The following GPC6 variants were observed in gnomAD, a reference collection of about 807,000 sequenced individuals.
The protein encoded by GPC6 is glypican 6, also known as glypican-6.
A neutral mutation model predicts 55.2 loss-of-function variants in GPC6; 14 were observed. The observed-to-expected ratio is 0.25, with a 90% CI of 0.17 to 0.40. The LOEUF is 0.40. GPC6 is among the 10% of genes least tolerant of loss of function. The probability of loss-of-function intolerance (pLI) is 1.00; values close to 1 mark genes in which losing one functional copy is unlikely to be tolerated. For synonymous variants in GPC6, 278 were observed against 259.6 expected, an observed-to-expected ratio of 1.07 and a Z score of -0.68; for missense variants, 641 against 708.5, an observed-to-expected ratio of 0.90 and a Z score of 1.08.
At chr13:93,330,629 T>G (rs758088267) in intron 1 of GPC6, among the ~76,000 whole-genome samples, 6 of 152,180 alleles carry the variant, frequency 3.9e-5, no homozygotes, top group Admixed American at 6.5e-5. Flanking sequence ...TTGGTCTTAT[T>G]TAACTTATCA....
At chr13:94,313,366 T>A (rs769879737) in intron 6 of GPC6, among the ~76,000 whole-genome samples, 1 of 152,226 alleles carries the variant, frequency 6.6e-6, no homozygotes, top group Non-Finnish European at 1.5e-5. Context: ...ACTCCTGCCC[T>A]TATGTGGATT....
chr13:94,220,161 G>A (rs191796061), intron 4 of GPC6, among the ~76,000 whole-genome samples: 1 of 152,078 alleles, frequency 6.6e-6, no homozygotes, highest in Admixed American at 6.6e-5. Context: ...CTACCATTCT[G>A]GAGATGACAG....
chr13:94,202,172 C>T (rs889552052), intron 4 of GPC6, among the ~76,000 whole-genome samples: 2 of 152,114 alleles, frequency 1.3e-5, no homozygotes, highest in African/African-American at 2.4e-5. Flanking sequence ...ACTTAAAATC[C>T]TTTGTAAATT....
At chr13:93,562,364 G>C (rs1875858468) in intron 2 of GPC6, among the ~76,000 whole-genome samples, 1 of 152,006 alleles carries the variant, frequency 6.6e-6, no homozygotes, top group African/African-American at 2.4e-5. Flanking sequence ...ATGAAATTTA[G>C]CAATTTCAAT....
In GPC6 at chr13:93,448,180, TC is replaced by T. The variant is rs371365998; in HGVS notation, c.161-97082del. On this transcript the variant is annotated intron_variant, in intron 1 of 8. Coordinates refer to ENST00000377047, the MANE Select transcript of GPC6 (RefSeq NM_005708.5). ...CATGTGCTTCATAATGATGTTTTGG[TC>T]AAGGATGAACCACATATGTGATGAT... 3.3e-5 allele frequency among the ~76,000 whole-genome samples: 5 copies of T among 152,296 alleles called. No homozygotes were observed. The East Asian group carries it at 7.7e-4, about 24-fold the overall frequency.
chr13:93,618,113 G>A (rs1010047219), intron 2 of GPC6, among the ~76,000 whole-genome samples: 1 of 151,888 alleles, frequency 6.6e-6, no homozygotes, highest in Non-Finnish European at 1.5e-5. Context: ...TAGAAAGCTG[G>A]CTAATGTTTG....
chr13:93,927,221 T>C (rs1384587772), intron 3 of GPC6, among the ~76,000 whole-genome samples: 5 of 152,182 alleles, frequency 3.3e-5, no homozygotes, highest in African/African-American at 9.6e-5. Context: ...GAGAATTTCA[T>C]TGAGTCTCAT....
intron 1 of GPC6, among the ~76,000 whole-genome samples, chr13:93,339,545 TG>T: frequency 6.6e-6 from 1 of 152,138 alleles, no homozygotes; most frequent in East Asian, 1.9e-4. Flanking sequence ...AGTCAATAAT[TG>T]TTGAATGCAT....
At chr13:93,766,644 G>A (rs935034760) in intron 2 of GPC6, among the ~76,000 whole-genome samples, 5 of 151,984 alleles carry the variant, frequency 3.3e-5, no homozygotes, top group Non-Finnish European at 7.4e-5. Flanking sequence ...GAAAGGAAAG[G>A]AAGAATGATA....
chr13:93,477,255 T>G (rs535833199), intron 1 of GPC6, among the ~76,000 whole-genome samples: 1 of 152,294 alleles, frequency 6.6e-6, no homozygotes, highest in East Asian at 1.9e-4. Context: ...AAACAGGTTT[T>G]TACAAATTCA....
chr13:94,374,912 C>G (rs1879767278), intron 6 of GPC6, among the ~76,000 whole-genome samples: 3 of 142,650 alleles, frequency 2.1e-5, no homozygotes, highest in Admixed American at 7.0e-5. Context: ...GAATCTCACT[C>G]AAAACTGCTC....
At chr13:93,601,213 G>A (rs1324091441) in intron 2 of GPC6, among the ~76,000 whole-genome samples, 1 of 151,554 alleles carries the variant, frequency 6.6e-6, no homozygotes, top group Non-Finnish European at 1.5e-5. Flanking sequence ...GAGAAACCTC[G>A]TCTCTACTGA....
chr13:93,257,269 C>T (rs1051022138), intron 1 of GPC6, among the ~76,000 whole-genome samples: 2 of 151,706 alleles, frequency 1.3e-5, no homozygotes, highest in Non-Finnish European at 2.9e-5. Context: ...TACCACTGCA[C>T]TTAACCTGGG....
chr13:94,066,120 T>A (rs549112389), intron 4 of GPC6, among the ~76,000 whole-genome samples: 3 of 152,312 alleles, frequency 2.0e-5, no homozygotes, highest in African/African-American at 7.2e-5. Context: ...ATAAATTAAT[T>A]TTGTGAATAA....
chr13:93,979,042 A>AAACATACT, intron 3 of GPC6, among the ~76,000 whole-genome samples: 1 of 152,158 alleles, frequency 6.6e-6, no homozygotes, highest in Non-Finnish European at 1.5e-5. Flanking sequence ...GAAGTGCCCA[A>AAACATACT]AACATACTAG....
intron 4 of GPC6, among the ~76,000 whole-genome samples, chr13:94,157,097 T>C (rs982139945): frequency 1.2e-4 from 18 of 152,144 alleles, no homozygotes; most frequent in African/African-American, 4.3e-4. Flanking sequence ...AAAAAGATCC[T>C]GGGGCCAAGA....
intron 1 of GPC6, among the ~76,000 whole-genome samples, chr13:93,354,876 C>G (rs951041055): frequency 6.6e-6 from 1 of 152,080 alleles, no homozygotes; most frequent in Non-Finnish European, 1.5e-5. Context: ...AGTGGAAATT[C>G]CCAGGAAAGA....
At chr13:93,867,632 A>T (rs781637178) in intron 3 of GPC6, among the ~76,000 whole-genome samples, 1 of 151,592 alleles carries the variant, frequency 6.6e-6, no homozygotes, top group Non-Finnish European at 1.5e-5. Context: ...TGGAATCAAC[A>T]CTCCATCTAT....
chr13:93,652,409 T>G (rs1880455878), intron 2 of GPC6, among the ~76,000 whole-genome samples: 1 of 152,160 alleles, frequency 6.6e-6, no homozygotes, highest in Non-Finnish European at 1.5e-5. Flanking sequence ...GCACCCATAA[T>G]TATATGTGCA....
Sources: gnomAD v4.1 joint callset for allele counts (sites outside exome capture counted in the v4.1 genomes callset) on GRCh38, gnomAD v4.1.1 for gene constraint, MANE v1.5 for transcripts, NCBI Gene and HGNC (gene_info 2026-07-23, HGNC 2026-07-21) for gene names.